Variants in ARFGEF1 observed in about 807,000 individuals in gnomAD.
ARFGEF1 encodes the protein brefeldin A-inhibited guanine nucleotide-exchange protein 1.
Under a neutral mutation model 231.0 loss-of-function variants are expected in ARFGEF1, and 42 were observed. The observed-to-expected ratio is 0.18, with a 90% CI of 0.14 to 0.24. ARFGEF1 has a LOEUF of 0.24. ARFGEF1 is among the 10% of genes least tolerant of loss of function. ARFGEF1 has a pLI of 1.00. For synonymous variants in ARFGEF1, 710 were observed against 732.3 expected (o/e 0.97, Z 0.49); for missense variants, 1,345 against 2,192.0 (o/e 0.61, Z 7.72).
intron 5 of ARFGEF1, among the ~76,000 whole-genome samples, chr8:67,292,836 T>C (rs1015591317): frequency 2.0e-5 from 3 of 152,136 alleles, no homozygotes; most frequent in African/African-American, 7.2e-5. Flanking sequence ...CAAGACCTGA[T>C]AAGAATGAGT....
At chr8:67,232,967 C>T (rs772992346) in intron 22 of ARFGEF1, 22 bp from the exon 23 acceptor site, 5 of 1,568,770 alleles carry the variant, frequency 3.2e-6, no homozygotes, top group Admixed American at 1.8e-5. Flanking sequence ...AAAAAAAAGT[C>T]ATTTCAGTTT....
chr8:67,236,786 T>A (rs2128877387), intron 22 of ARFGEF1, among the ~76,000 whole-genome samples: 1 of 152,288 alleles, frequency 6.6e-6, no homozygotes, highest in East Asian at 1.9e-4. Flanking sequence ...CTGAACTGTT[T>A]TTCATTTCTA....
At chr8:67,240,362 C>A in intron 19 of ARFGEF1, 72 bp from the exon 20 acceptor site, 1 of 1,344,936 alleles carries the variant, frequency 7.4e-7, no homozygotes. Flanking sequence ...ATCTTTTAGA[C>A]AATACAAGTT....
intron 1 of ARFGEF1, among the ~76,000 whole-genome samples, chr8:67,323,466 T>C (rs1034878103): frequency 6.6e-6 from 1 of 152,180 alleles, no homozygotes; most frequent in Non-Finnish European, 1.5e-5. Flanking sequence ...CAAACATCTT[T>C]ACTCTGGTGT....
chr8:67,201,369 CA>C (rs777135310), intron 37 of ARFGEF1, 97 bp downstream of exon 37: 10 of 1,444,790 alleles, frequency 6.9e-6, no homozygotes, highest in Non-Finnish European at 8.3e-6. Flanking sequence ...ATCCAGGCCC[CA>C]AAGCCTCAGC....
At chr8:67,316,361 A>G (rs1019041948) in intron 1 of ARFGEF1, among the ~76,000 whole-genome samples, 2 of 152,256 alleles carry the variant, frequency 1.3e-5, no homozygotes, top group Admixed American at 1.3e-4. Flanking sequence ...AATTTATAAC[A>G]ATCCTGTACA....
chr8:67,301,410 C>A (rs113876224), intron 2 of ARFGEF1, 30 bp from the exon 3 acceptor site: 1 of 1,578,030 alleles, frequency 6.3e-7, no homozygotes, highest in Non-Finnish European at 8.6e-7. Context: ...CTGATTATAG[C>A]GTATCACATT....
intron 19 of ARFGEF1, among the ~76,000 whole-genome samples, chr8:67,244,324 T>G (rs1840037113): frequency 6.8e-6 from 1 of 146,126 alleles, no homozygotes; most frequent in Admixed American, 6.8e-5. Context: ...TTGTTTTTTT[T>G]TTTTTTTTTG....
At chr8:67,266,249 G>T in intron 13 of ARFGEF1, 42 bp from the exon 14 acceptor site, 3 of 1,379,460 alleles carry the variant, frequency 2.2e-6, no homozygotes, top group Non-Finnish European at 2.9e-6. Context: ...TTCTATCAAA[G>T]AAAAAAAAAA....
At chr8:67,279,133 T>C (rs1315893633) in intron 7 of ARFGEF1, among the ~76,000 whole-genome samples, 2 of 152,296 alleles carry the variant, frequency 1.3e-5, no homozygotes, top group East Asian at 1.9e-4. Context: ...AATTTACATA[T>C]GTAAAGATTG....
intron 29 of ARFGEF1, among the ~76,000 whole-genome samples, chr8:67,223,664 G>A (rs1839277628): frequency 6.6e-6 from 1 of 152,112 alleles, no homozygotes; most frequent in Non-Finnish European, 1.5e-5. Context: ...GGAATATGGT[G>A]AGAAATAAGG....
chr8:67,195,783 T>C, downstream of ARFGEF1: 2 of 561,464 alleles, frequency 3.6e-6, no homozygotes, highest in East Asian at 3.1e-5. Flanking sequence ...ATTTATATAA[T>C]AGAATTGTAT....
intron 1 of ARFGEF1, among the ~76,000 whole-genome samples, chr8:67,309,298 A>C (rs1806886892): frequency 6.6e-6 from 1 of 152,324 alleles, no homozygotes; most frequent in East Asian, 1.9e-4. Context: ...CGATCAAAGG[A>C]TACAAAATTT....
At chr8:67,220,550 T>G (rs1242504654) in intron 29 of ARFGEF1, among the ~76,000 whole-genome samples, 1 of 152,228 alleles carries the variant, frequency 6.6e-6, no homozygotes, top group African/African-American at 2.4e-5. Flanking sequence ...TAAGTCCACA[T>G]TGGTCTATTT....
chr8:67,332,342 G>A (rs1422602752), intron 1 of ARFGEF1, among the ~76,000 whole-genome samples: 1 of 152,172 alleles, frequency 6.6e-6, no homozygotes, highest in Non-Finnish European at 1.5e-5. Context: ...GCAAATGAGA[G>A]TAGTTTTAAA....
At chr8:67,188,501 G>A (rs1458173240) in intron 5 of ARFGEF1, among the ~76,000 whole-genome samples, 3 of 152,204 alleles carry the variant, frequency 2.0e-5, no homozygotes, top group African/African-American at 7.2e-5. Context: ...GACAATGATC[G>A]GGATATAAAC....
At chr8:67,208,990 T>C (rs563028615) in intron 34 of ARFGEF1, among the ~76,000 whole-genome samples, 1 of 152,324 alleles carries the variant, frequency 6.6e-6, no homozygotes, top group Admixed American at 6.5e-5. Flanking sequence ...CTGGTGGGAA[T>C]GTAAAATGGT....
At chr8:67,232,971 T>A (rs1272680539) in intron 22 of ARFGEF1, 26 bp from the exon 23 acceptor site, 1 of 1,554,822 alleles carries the variant, frequency 6.4e-7, no homozygotes. Flanking sequence ...AAAAGTCATT[T>A]CAGTTTGAAA....
chr8:67,266,356 A>G, intron 13 of ARFGEF1, 149 bp from the exon 14 acceptor site: 1 of 646,510 alleles, frequency 1.5e-6, no homozygotes, highest in Non-Finnish European at 2.7e-6. Context: ...CATAGTAAAC[A>G]ACATACTTTG....
Sources: allele counts gnomAD v4.1 joint callset (sites outside exome capture counted in the v4.1 genomes callset), GRCh38; gene constraint gnomAD v4.1.1; transcripts MANE v1.5; gene names NCBI Gene and HGNC (gene_info 2026-07-23, HGNC 2026-07-21).